NREP: variants seen among roughly 807,000 people sequenced by gnomAD.
NREP encodes the protein neuronal regeneration related protein.
In NREP, 5 loss-of-function variants were observed where a neutral mutation model predicts 8.6. The observed-to-expected ratio is 0.58, with a 90% CI of 0.30 to 1.22. The LOEUF is 1.22. Among genes scored for constraint, NREP ranks in the 50% most tolerant of loss-of-function variants. The pLI, the probability that NREP is intolerant of heterozygous loss-of-function variation, is 0.07. For synonymous variants in NREP, 27 were observed against 28.0 expected, an observed-to-expected ratio of 0.96 and a Z score of 0.11; for missense variants, 86 against 82.5, an observed-to-expected ratio of 1.04 and a Z score of -0.17.
At chr5:111,943,724 T>C (rs796414122) in intron 2 of NREP, among the ~76,000 whole-genome samples, 3 of 152,226 alleles carry the variant, frequency 2.0e-5, no homozygotes, top group African/African-American at 7.2e-5. Flanking sequence ...TTAGAGGGCA[T>C]CCTCTTTCTA....
intron 2 of NREP, among the ~76,000 whole-genome samples, chr5:111,871,932 T>C (rs1430902625): frequency 2.0e-5 from 3 of 149,736 alleles, no homozygotes; most frequent in African/African-American, 4.9e-5. Flanking sequence ...TGTGTGTATA[T>C]ATATCCTATT....
chr5:111,830,182 G>T (rs1431973916), intron 2 of NREP, among the ~76,000 whole-genome samples: 1 of 152,096 alleles, frequency 6.6e-6, no homozygotes, highest in Non-Finnish European at 1.5e-5. Flanking sequence ...TTGTTCATCA[G>T]CTATTGTTAA....
chr5:111,736,931 C>T (rs917381816), intron 2 of NREP, among the ~76,000 whole-genome samples: 19 of 152,286 alleles, frequency 1.2e-4, no homozygotes, highest in East Asian at 5.8e-4. Context: ...CTGCTGCCCT[C>T]GCATTATCCC....
intron 2 of NREP, among the ~76,000 whole-genome samples, chr5:111,869,005 T>C (rs1753728408): frequency 6.6e-6 from 1 of 152,216 alleles, no homozygotes; most frequent in Admixed American, 6.5e-5. Context: ...GTGTGGCTAA[T>C]AGCCATTGTA....
chr5:111,774,688 C>T (rs567226300), intron 2 of NREP, among the ~76,000 whole-genome samples: 6 of 152,126 alleles, frequency 3.9e-5, no homozygotes, highest in Non-Finnish European at 5.9e-5. Flanking sequence ...ATGGGGCCCT[C>T]GGCCTTGTGA....
chr5:111,755,703 G>A, intron 2 of NREP, 67 bp downstream of exon 2: 1 of 1,535,310 alleles, frequency 6.5e-7, no homozygotes, highest in East Asian at 2.2e-5. Context: ...GAAGATGGGT[G>A]GTTGATATTT....
intron 2 of NREP, among the ~76,000 whole-genome samples, chr5:111,932,760 C>T (rs613827): frequency 1.8e-4 from 27 of 152,078 alleles, no homozygotes; most frequent in African/African-American, 6.5e-4. Context: ...TAAAAGGTCA[C>T]GTAATTCACC....
intron 2 of NREP, among the ~76,000 whole-genome samples, chr5:111,754,929 C>T (rs527723888): frequency 2.6e-5 from 4 of 152,204 alleles, no homozygotes; most frequent in Non-Finnish European, 5.9e-5. Context: ...GGAAATCACA[C>T]ATTCTAAGTG....
chr5:111,836,313 G>C (rs1752892348), intron 2 of NREP, among the ~76,000 whole-genome samples: 1 of 152,092 alleles, frequency 6.6e-6, no homozygotes, highest in Non-Finnish European at 1.5e-5. Context: ...TTTTAGGTCT[G>C]TATGGGATCT....
intron 2 of NREP, among the ~76,000 whole-genome samples, chr5:111,780,428 C>G (rs1438841269): frequency 1.3e-5 from 2 of 152,108 alleles, no homozygotes; most frequent in Non-Finnish European, 2.9e-5. Context: ...AGCTCTGGAA[C>G]ACAGGAAAGA....
upstream of NREP, chr5:111,757,920 C>A (rs909142089): frequency 6.1e-6 from 6 of 985,396 alleles, no homozygotes; most frequent in Admixed American, 3.7e-4. Context: ...GGAGAGGCGG[C>A]GCGGCCCGTA....
In NREP at chr5:111,864,940, G is replaced by T. The variant is rs188129801; in HGVS notation, c.135+110334C>A. 3.7e-4 allele frequency among the ~76,000 whole-genome samples: 56 copies of T among 152,172 alleles called. No homozygotes were observed. In the East Asian group the frequency reaches 0.011, roughly 29 times the overall value. On this transcript the variant is annotated intron_variant, in intron 2 of 3. Coordinates refer to the NREP transcript ENST00000395634. ...GTGTAGGCAAAGAAATACTAATTTT[G>T]CTCAGTTATCTTAGCTATTCAAAGG...
At chr5:111,858,342 C>T (rs1160461006) in intron 2 of NREP, among the ~76,000 whole-genome samples, 1 of 152,070 alleles carries the variant, frequency 6.6e-6, no homozygotes, top group African/African-American at 2.4e-5. Flanking sequence ...TTTTCTCTCC[C>T]TACATGATCT....
At chr5:111,971,950 GAGAC>G (rs1161918245) in intron 2 of NREP, among the ~76,000 whole-genome samples, 1 of 151,930 alleles carries the variant, frequency 6.6e-6, no homozygotes, top group African/African-American at 2.4e-5. Flanking sequence ...ACAGAATAAA[GAGAC>G]AGCCTATGGA....
chr5:111,866,366 C>T (rs1289318859), intron 2 of NREP, among the ~76,000 whole-genome samples: 1 of 152,096 alleles, frequency 6.6e-6, no homozygotes, highest in Non-Finnish European at 1.5e-5. Context: ...CAAAAGAAGA[C>T]ATTTATGCAG....
intron 2 of NREP, among the ~76,000 whole-genome samples, chr5:111,766,434 G>C (rs1205234057): frequency 6.6e-6 from 1 of 152,126 alleles, no homozygotes; most frequent in African/African-American, 2.4e-5. Flanking sequence ...ACTGTGAAAG[G>C]GTTGAAAAGA....
At chr5:111,926,685 G>A (rs574142863) in intron 2 of NREP, among the ~76,000 whole-genome samples, 1 of 152,166 alleles carries the variant, frequency 6.6e-6, no homozygotes, top group Admixed American at 6.5e-5. Flanking sequence ...GCAGGCTGAA[G>A]ATGGTTTGTT....
intron 2 of NREP, among the ~76,000 whole-genome samples, chr5:111,816,398 C>G (rs1752386365): frequency 6.6e-6 from 1 of 152,152 alleles, no homozygotes; most frequent in African/African-American, 2.4e-5. Context: ...TTAATAATGT[C>G]TTGTGAGGTT....
rs967465628 is a variant in NREP at position 111,818,371 on chromosome 5, G to A, written c.136-82864C>T. Among the ~76,000 whole-genome samples, 4 of 152,314 alleles carry A rather than the reference G, an allele frequency of 2.6e-5. No homozygotes were observed. In the South Asian group the frequency reaches 8.3e-4, roughly 32 times the overall value. Reference sequence around the variant, plus strand: ...ATACATTCTTCAGAAAAATGGCAGTGACGTGGTGTTATAGAGATATGGGTA... The same window carrying A: ...ATACATTCTTCAGAAAAATGGCAGTAACGTGGTGTTATAGAGATATGGGTA... On this transcript the variant is annotated intron_variant, in intron 2 of 3. Transcript: ENST00000395634.
Sources: allele counts gnomAD v4.1 joint callset (sites outside exome capture counted in the v4.1 genomes callset), GRCh38; gene constraint gnomAD v4.1.1; transcripts MANE v1.5; gene names NCBI Gene and HGNC (gene_info 2026-07-23, HGNC 2026-07-21).